ZNF804B: variants seen among roughly 807,000 people sequenced by gnomAD.
ZNF804B encodes zinc finger 804B.
In ZNF804B, 80 loss-of-function variants were observed where a neutral mutation model predicts 101.4. The observed-to-expected ratio is 0.79, with a 90% CI of 0.66 to 0.95. ZNF804B has a LOEUF of 0.95. Ranked by LOEUF, ZNF804B falls within the 40% of genes least tolerant of loss-of-function variation. The probability of loss-of-function intolerance (pLI) is 0.00; values close to 1 mark genes in which losing one functional copy is unlikely to be tolerated. For synonymous variants in ZNF804B, 622 were observed against 558.8 expected (o/e 1.11, Z -1.59); for missense variants, 1,673 against 1,561.9 (o/e 1.07, Z -1.20).
chr7:89,136,744 T>TGA (rs1790641750), intron 1 of ZNF804B, among the ~76,000 whole-genome samples: 1 of 110,620 alleles, frequency 9.0e-6, no homozygotes, highest in Non-Finnish European at 2.1e-5. Context: ...TGAGTGTGTG[T>TGA]GTGTGTGTGT....
At chr7:89,324,989 G>T (rs533388977) in intron 2 of ZNF804B, among the ~76,000 whole-genome samples, 1 of 150,972 alleles carries the variant, frequency 6.6e-6, no homozygotes, top group African/African-American at 2.5e-5. Context: ...ACTGATGCAT[G>T]ACTTTTCTGA....
intron 2 of ZNF804B, among the ~76,000 whole-genome samples, chr7:89,224,201 A>C (rs1461245749): frequency 6.6e-6 from 1 of 151,998 alleles, no homozygotes; most frequent in Non-Finnish European, 1.5e-5. Context: ...ATAATAAAAA[A>C]CAAATCCACT....
Position 89,008,740 on chromosome 7 carries a change from A to G in ZNF804B, c.109-209415A>G, listed in dbSNP as rs143626391. 5.1e-3 allele frequency among the ~76,000 whole-genome samples: 768 copies of G among 152,010 alleles called. 2 individuals are homozygous for G. The highest frequency in any genetic ancestry group is 7.0e-3 in the Non-Finnish European group (477 of 67,980). ...TATCCCGCCTTTATTCCCATCTTTC[A>G]CTCAGAGCACTGCTCATAGAATCCT... On this transcript the variant is annotated intron_variant, in intron 1 of 3. Coordinates refer to ENST00000333190, the MANE Select transcript of ZNF804B (RefSeq NM_181646.5).
chr7:89,274,896 T>C (rs932208733), intron 2 of ZNF804B, among the ~76,000 whole-genome samples: 13 of 151,864 alleles, frequency 8.6e-5, no homozygotes, highest in Admixed American at 8.5e-4. Context: ...TTGGAAGTGT[T>C]CTTGGGCTCA....
rs191719871 is a variant in ZNF804B at position 89,170,059 on chromosome 7, A to G, written c.109-48096A>G. 1.5e-4 allele frequency among the ~76,000 whole-genome samples: 23 copies of G among 152,360 alleles called. No individual in the cohort carries two copies. The East Asian group carries it at 4.4e-3, about 29-fold the overall frequency. On this transcript the variant is annotated intron_variant, in intron 1 of 3. Transcript: ENST00000333190. ...AAATATACTTCAACATTCTGTTTGG[A>G]CACTTAGACCCCAGACTGTGCAGAT...
At chr7:88,921,621 G>T (rs1347985449) in intron 1 of ZNF804B, among the ~76,000 whole-genome samples, 1 of 151,980 alleles carries the variant, frequency 6.6e-6, no homozygotes, top group Non-Finnish European at 1.5e-5. Context: ...TATACATTAG[G>T]ATTCTTAATT....
At chr7:89,159,577 A>G (rs1417615821) in intron 1 of ZNF804B, among the ~76,000 whole-genome samples, 1 of 152,128 alleles carries the variant, frequency 6.6e-6, no homozygotes, top group African/African-American at 2.4e-5. Context: ...TATCATATGG[A>G]GGTTCCTATT....
At chr7:88,965,370 C>T (rs11980037) in intron 1 of ZNF804B, among the ~76,000 whole-genome samples, 4,315 of 151,356 alleles carry the variant, frequency 0.029, 71 homozygotes, top group African/African-American at 0.039. Flanking sequence ...TTTAAAATAG[C>T]CCTGCATGAA....
At chr7:89,208,151 G>C (rs1316568550) in intron 1 of ZNF804B, among the ~76,000 whole-genome samples, 1 of 147,398 alleles carries the variant, frequency 6.8e-6, no homozygotes, top group Non-Finnish European at 1.5e-5. Context: ...GCACAATCTC[G>C]GCTCACTGCA....
intron 1 of ZNF804B, among the ~76,000 whole-genome samples, chr7:88,813,134 T>G (rs1790816385): frequency 6.6e-6 from 1 of 152,122 alleles, no homozygotes; most frequent in Admixed American, 6.5e-5. Context: ...AAATCTTATA[T>G]AGAGTTTTAA....
At chr7:89,067,528 A>G (rs915492305) in intron 1 of ZNF804B, among the ~76,000 whole-genome samples, 8 of 152,206 alleles carry the variant, frequency 5.3e-5, no homozygotes, top group African/African-American at 1.9e-4. Flanking sequence ...AGCCTAGTCT[A>G]GCCCAGCGGA....
chr7:89,130,201 G>T (rs1790528017), intron 1 of ZNF804B, among the ~76,000 whole-genome samples: 1 of 151,996 alleles, frequency 6.6e-6, no homozygotes, highest in Non-Finnish European at 1.5e-5. Flanking sequence ...AGGTGGCTGC[G>T]GGTCCCTTTA....
intron 2 of ZNF804B, among the ~76,000 whole-genome samples, chr7:89,309,743 G>C (rs1790620070): frequency 8.4e-6 from 1 of 119,072 alleles, no homozygotes; most frequent in African/African-American, 3.3e-5. Context: ...CTGGGCTACA[G>C]AGTGAGACCC....
At chr7:89,249,998 C>T (rs1375789768) in intron 2 of ZNF804B, among the ~76,000 whole-genome samples, 1 of 151,866 alleles carries the variant, frequency 6.6e-6, no homozygotes, top group Non-Finnish European at 1.5e-5. Flanking sequence ...CCAGCCAGGC[C>T]AAGATGGTGA....
At chr7:88,945,461 G>A (rs181043106) in intron 1 of ZNF804B, among the ~76,000 whole-genome samples, 10 of 152,072 alleles carry the variant, frequency 6.6e-5, no homozygotes, top group African/African-American at 2.4e-4. Flanking sequence ...ATCTGTTTTG[G>A]TACCAGTACC....
chr7:89,276,245 A>T (rs1188280182), intron 2 of ZNF804B, among the ~76,000 whole-genome samples: 1 of 151,766 alleles, frequency 6.6e-6, no homozygotes, highest in Non-Finnish European at 1.5e-5. Context: ...TGATGGGTTG[A>T]TAGGTGCAAC....
At position 88,824,013 on chromosome 7, in the gene ZNF804B, T is replaced by C. The variant is rs553830988; in HGVS notation, c.108+63929T>C. 2.6e-5 allele frequency among the ~76,000 whole-genome samples: 4 copies of C among 152,292 alleles called. No individual in the cohort carries two copies. The South Asian group carries it at 8.3e-4, about 32-fold the overall frequency. ...GCAGCCTAGATGCTCGCTGGCCTGC[T>C]ACTCTATCCCTGACTTCACATGTAC... On this transcript the variant is annotated intron_variant, in intron 1 of 3. Coordinates refer to ENST00000333190, the MANE Select transcript of ZNF804B (RefSeq NM_181646.5).
At chr7:89,277,329 CT>C (rs575055855) in intron 2 of ZNF804B, among the ~76,000 whole-genome samples, 163 of 145,394 alleles carry the variant, frequency 1.1e-3, no homozygotes, top group African/African-American at 3.7e-3. Flanking sequence ...TTTTTTTTTT[CT>C]TTTTTTTATT....
intron 1 of ZNF804B, among the ~76,000 whole-genome samples, chr7:88,845,657 G>T (rs1290214081): frequency 3.3e-5 from 5 of 151,636 alleles, no homozygotes; most frequent in Admixed American, 6.6e-5. Flanking sequence ...TATGAGACAG[G>T]ATCTCACTTC....
Sources: gnomAD v4.1 joint callset for allele counts (sites outside exome capture counted in the v4.1 genomes callset) on GRCh38, gnomAD v4.1.1 for gene constraint, MANE v1.5 for transcripts, NCBI Gene and HGNC (gene_info 2026-07-23, HGNC 2026-07-21) for gene names.